The following DPYD variants were observed in gnomAD, a reference collection of about 807,000 sequenced individuals.
DPYD encodes dihydropyrimidine dehydrogenase.
A neutral mutation model predicts 116.2 loss-of-function variants in DPYD; 109 were observed. That is an observed-to-expected ratio of 0.94 (90% CI 0.80 to 1.10). The LOEUF is 1.10. Among genes scored for constraint, DPYD ranks in the 50% least tolerant of loss-of-function variants. The pLI is 0.00. For missense variants in DPYD, 1,302 were observed against 1,254.5 expected, an observed-to-expected ratio of 1.04 and a Z score of -0.57; for synonymous variants, 440 against 432.0, an observed-to-expected ratio of 1.02 and a Z score of -0.23.
intron 18 of DPYD, among the ~76,000 whole-genome samples, chr1:97,294,363 T>C (rs925767729): frequency 7.9e-5 from 12 of 151,874 alleles, no homozygotes; most frequent in African/African-American, 2.9e-4. Context: ...GAGCTCCTTT[T>C]TCACTTCAGA....
intron 20 of DPYD, among the ~76,000 whole-genome samples, chr1:97,120,381 A>G (rs9437663): frequency 0.82 from 125,431 of 152,098 alleles, 51,945 homozygotes; most frequent in East Asian, 0.94. Flanking sequence ...TTTGCCACCC[A>G]TGGGCCACCT....
At chr1:97,481,561 G>A (rs1678313505) in intron 13 of DPYD, among the ~76,000 whole-genome samples, 1 of 152,066 alleles carries the variant, frequency 6.6e-6, no homozygotes, top group Non-Finnish European at 1.5e-5. Context: ...AAATAATACT[G>A]TATATAATCC....
chr1:97,442,845 A>C (rs1675874863), intron 14 of DPYD, among the ~76,000 whole-genome samples: 1 of 152,218 alleles, frequency 6.6e-6, no homozygotes, highest in Admixed American at 6.5e-5. Context: ...AGCTATACAC[A>C]TGCTGTTACC....
At chr1:97,319,357 A>G (rs1219365596) in intron 16 of DPYD, among the ~76,000 whole-genome samples, 1 of 146,940 alleles carries the variant, frequency 6.8e-6, no homozygotes, top group Non-Finnish European at 1.5e-5. Flanking sequence ...AGAAAAAAAG[A>G]GAGAAGAATC....
chr1:97,216,621 C>T (rs1222765176), intron 19 of DPYD, among the ~76,000 whole-genome samples: 1 of 151,556 alleles, frequency 6.6e-6, no homozygotes, highest in African/African-American at 2.4e-5. Context: ...TGGTGAAACC[C>T]GTATCTACTA....
chr1:97,445,726 T>TA (rs545844355), intron 14 of DPYD, among the ~76,000 whole-genome samples: 155 of 6,930 alleles, frequency 0.022, 1 homozygote, highest in Admixed American at 0.12. Flanking sequence ...AATTGTCTGA[T>TA]TTTTTTTTTT....
At chr1:97,079,183 C>G in intron 22 of DPYD, 37 bp from the exon 23 acceptor site, 1 of 1,609,640 alleles carries the variant, frequency 6.2e-7, no homozygotes, top group Non-Finnish European at 8.5e-7. Context: ...TGTCACTGAC[C>G]ACAAAGGTCA....
At chr1:97,642,731 T>G (rs549081262) in intron 8 of DPYD, among the ~76,000 whole-genome samples, 1 of 79,330 alleles carries the variant, frequency 1.3e-5, no homozygotes. Context: ...GGGACTGTTG[T>G]GGGGTGGGGG....
intron 14 of DPYD, among the ~76,000 whole-genome samples, chr1:97,427,221 A>G (rs902784571): frequency 3.3e-5 from 5 of 152,066 alleles, no homozygotes; most frequent in African/African-American, 1.2e-4. Context: ...ATGAAGTTAA[A>G]TATTTGTTGG....
At chr1:97,608,532 C>A (rs1571051873) in intron 8 of DPYD, among the ~76,000 whole-genome samples, 1 of 151,934 alleles carries the variant, frequency 6.6e-6, no homozygotes, top group Non-Finnish European at 1.5e-5. Flanking sequence ...TAGGTTTGCT[C>A]TCGGTTTCCC....
chr1:97,213,012 G>C (rs188760673), intron 19 of DPYD, among the ~76,000 whole-genome samples: 1 of 152,096 alleles, frequency 6.6e-6, no homozygotes, highest in Non-Finnish European at 1.5e-5. Flanking sequence ...AAGGTGTCTG[G>C]TGAAGACTTG....
At chr1:97,771,117 A>G (rs1666117863) in intron 3 of DPYD, among the ~76,000 whole-genome samples, 2 of 152,010 alleles carry the variant, frequency 1.3e-5, no homozygotes, top group African/African-American at 4.8e-5. Context: ...CAGGAGTTCG[A>G]GGTCAGCCTG....
intron 14 of DPYD, among the ~76,000 whole-genome samples, chr1:97,445,609 C>T (rs942414840): frequency 2.0e-5 from 3 of 152,142 alleles, no homozygotes; most frequent in African/African-American, 4.8e-5. Flanking sequence ...AAATTCCTGT[C>T]TCACCTTTCT....
intron 18 of DPYD, among the ~76,000 whole-genome samples, chr1:97,252,542 T>C (rs2100816016): frequency 6.6e-6 from 1 of 152,300 alleles, no homozygotes; most frequent in South Asian, 2.1e-4. Context: ...ACCATTCAGA[T>C]TTGGGCATTG....
In DPYD at chr1:97,897,752, T is replaced by C. The variant is rs564106708; in HGVS notation, c.40-14378A>G. 5.3e-5 allele frequency among the ~76,000 whole-genome samples: 8 copies of C among 152,052 alleles called. No homozygotes were observed. The South Asian group carries it at 6.2e-4, about 12-fold the overall frequency. ...ACCTCTACTTCATTTTTTGAACATA[T>C]AGAATACAGTTATAATGACAGTTTT... On this transcript the variant is annotated intron_variant, in intron 1 of 22. Transcript: ENST00000370192.
intron 20 of DPYD, among the ~76,000 whole-genome samples, chr1:97,163,468 T>C (rs1216790459): frequency 6.6e-6 from 1 of 152,194 alleles, no homozygotes; most frequent in East Asian, 1.9e-4. Context: ...TCCTCTGTCT[T>C]AGTCCATTTG....
At chr1:97,186,982 C>T (rs1461791276) in intron 20 of DPYD, among the ~76,000 whole-genome samples, 1 of 152,020 alleles carries the variant, frequency 6.6e-6, no homozygotes, top group Non-Finnish European at 1.5e-5. Context: ...TATTATCTGT[C>T]AAAGTACATT....
intron 19 of DPYD, among the ~76,000 whole-genome samples, chr1:97,198,819 G>A (rs1440371630): frequency 2.0e-5 from 3 of 152,140 alleles, no homozygotes; most frequent in African/African-American, 7.2e-5. Flanking sequence ...ATTTCTATAT[G>A]TGTGAATATC....
chr1:97,574,113 T>C, intron 10 of DPYD, 143 bp from the exon 11 acceptor site: 1 of 1,392,732 alleles, frequency 7.2e-7, no homozygotes, highest in Non-Finnish European at 9.6e-7. Flanking sequence ...TGAGTTTCAG[T>C]TACCAGTTAT....
Sources: gnomAD v4.1 joint callset for allele counts (sites outside exome capture counted in the v4.1 genomes callset) on GRCh38, gnomAD v4.1.1 for gene constraint, MANE v1.5 for transcripts, NCBI Gene and HGNC (gene_info 2026-07-23, HGNC 2026-07-21) for gene names.